Variants in DAAM2 observed in about 807,000 individuals in gnomAD.
The protein encoded by DAAM2 is dishevelled associated activator of morphogenesis 2.
In DAAM2, 39 loss-of-function variants were observed where a neutral mutation model predicts 120.7. The ratio of observed to expected loss-of-function variants is 0.32; its 90% CI spans 0.25 to 0.42. DAAM2 has a LOEUF of 0.42. Among genes scored for constraint, DAAM2 ranks in the 10% least tolerant of loss-of-function variants. The pLI is 1.00. For synonymous variants in DAAM2, 488 were observed against 524.9 expected (o/e 0.93, Z 0.96); for missense variants, 1,283 against 1,401.7 (o/e 0.92, Z 1.35).
At chr6:39,870,917 C>G (rs1410026687) in intron 8 of DAAM2, among the ~76,000 whole-genome samples, 1 of 152,104 alleles carries the variant, frequency 6.6e-6, no homozygotes, top group Non-Finnish European at 1.5e-5. Flanking sequence ...TGGTTCTGTC[C>G]CATTAGTTTA....
At position 39,896,948 on chromosome 6, in the gene DAAM2, C is replaced by A. The variant is rs757808730; in HGVS notation, c.2478C>A (p.Asn826Lys). The change falls in exon 20 of 25, where the codon AAC becomes AAA. Residue 826 changes from asparagine (N) to lysine (K), a missense_variant. This residue lies in a region of DAAM2 where 748 missense variants were observed against 768.6 expected (regional missense o/e 0.97). Transcript: ENST00000274867. Reference sequence around the variant, plus strand: ...ACGGGTTCCGGGTGGCCAGCCTCAACAAGATCGCTGACACCAAGTCCAGCA... The same window carrying A: ...ACGGGTTCCGGGTGGCCAGCCTCAAAAAGATCGCTGACACCAAGTCCAGCA... ...GAYGFRVASL[N>K]KIADTKSSID... The A allele has an allele frequency of 1.3e-5, 21 of 1,612,294 alleles. No homozygotes were observed. The highest frequency in any genetic ancestry group is 1.7e-5 in the Non-Finnish European group (20 of 1,179,174).
At chr6:39,890,746 C>T (rs977942782) in intron 17 of DAAM2, among the ~76,000 whole-genome samples, 2 of 152,092 alleles carry the variant, frequency 1.3e-5, no homozygotes, top group African/African-American at 2.4e-5. Flanking sequence ...GACTATACCT[C>T]AAGTTTGTTT....
In DAAM2 at chr6:39,883,754, A is replaced by T. The variant is rs868476861; in HGVS notation, c.1846-208A>T. 29 of 524,512 alleles carry T rather than the reference A, an allele frequency of 5.5e-5. No homozygotes were observed. In the Middle Eastern group the frequency reaches 1.5e-3, roughly 28 times the overall value. 32.5% of individuals were successfully genotyped at this position (524,512 alleles called of 1,614,324 possible). ...ATGTGGCTCCATGCACAAGGGAGGA[A>T]AAGGGGGTTGTCTCTGGCCTCTACC... On this transcript the variant is annotated intron_variant, in intron 14 of 24. Coordinates refer to ENST00000274867, the MANE Select transcript of DAAM2 (RefSeq NM_001201427.2).
Position 39,856,287 on chromosome 6 carries a change from C to T in DAAM2, c.-16C>T. ...TAGGGCATCTGTCTGCTGACGCCCCCTGGCCTGCAGTGACCATGGCCCCCC... is the reference window on the plus strand; with the variant it reads ...TAGGGCATCTGTCTGCTGACGCCCCTTGGCCTGCAGTGACCATGGCCCCCC... On this transcript the variant is annotated 5_prime_UTR_variant, in exon 2 of 25. Transcript: ENST00000274867. The T allele has an allele frequency of 6.7e-7, 1 of 1,488,700 alleles. No individual in the cohort carries two copies. The highest frequency in any genetic ancestry group is 1.4e-5 in the South Asian group (1 of 72,806). The allele number at this position is 1,488,700 out of a possible 1,614,324, so 92.2% of individuals were successfully genotyped here.
At chr6:39,894,630 T>G (rs549977113) in intron 19 of DAAM2, among the ~76,000 whole-genome samples, 1 of 151,812 alleles carries the variant, frequency 6.6e-6, no homozygotes, top group African/African-American at 2.4e-5. Context: ...TTTTACCTAT[T>G]TTCTTTTTGA....
Position 39,861,001 on chromosome 6 carries a change from A to G in DAAM2, c.242A>G (p.Tyr81Cys), listed in dbSNP as rs201047462. Residue 81 changes from tyrosine to cysteine, a missense_variant, in exon 3 of 25, where the codon TAC becomes TGC. By Grantham distance (194) the Tyr-to-Cys change is radical. Around this residue, in one of 3 missense-constraint regions of DAAM2, gnomAD observed 197 missense variants for 189.3 expected, o/e 1.04. Coordinates refer to ENST00000274867, the MANE Select transcript of DAAM2 (RefSeq NM_001201427.2). The part of the protein sequence containing the change: ...ALPPEKKWQI[Y>C]CSKKKEQEDP... Reference sequence around the variant, plus strand: ...CCCCCTGAGAAGAAATGGCAGATCTACTGCAGCAAGAAGAAGGTGCCCTCT... The same window carrying G: ...CCCCCTGAGAAGAAATGGCAGATCTGCTGCAGCAAGAAGAAGGTGCCCTCT... 344 of 1,611,536 alleles carry G rather than the reference A, an allele frequency of 2.1e-4. No individual in the cohort carries two copies. Among genetic ancestry groups the G allele is most frequent in the Non-Finnish European group, 2.5e-4 (295 of 1,178,994 alleles).
At position 39,901,419 on chromosome 6, in the gene DAAM2, G is replaced by A. The variant is rs1160219309; in HGVS notation, c.2929G>A (p.Ala977Thr). Reference sequence around the variant, plus strand: ...CTCAGAGGCCCGGCAGGATCTAGAGGCCATGAGGAGGAGGAAGGAGGAGGA... The same window carrying A: ...CTCAGAGGCCCGGCAGGATCTAGAGACCATGAGGAGGAGGAAGGAGGAGGA... ...AFSEARQDLE[A>T]MRRRKEEEER... is the part of the protein sequence containing the mutation. The change falls in exon 24 of 25, where the codon GCC (alanine) becomes ACC (threonine). Residue 977 changes from alanine to threonine, a missense_variant. Ala to Thr is a moderately conservative substitution (Grantham distance 58). Transcript: ENST00000274867. This position sits in a 1 kb window ranked among gnomAD's most constrained non-coding sequence, Gnocchi z 4.5. 1.2e-6 allele frequency: 2 copies of A among 1,613,490 alleles called. No homozygotes were observed. The highest frequency in any genetic ancestry group is 1.7e-6 in the Non-Finnish European group (2 of 1,179,872).
intron 1 of DAAM2, among the ~76,000 whole-genome samples, chr6:39,823,493 A>G (rs1762560127): frequency 6.6e-6 from 1 of 152,162 alleles, no homozygotes; most frequent in Admixed American, 6.5e-5. Flanking sequence ...CTGACATAGC[A>G]TCTCTGACCT....
At position 39,901,908 on chromosome 6, in the gene DAAM2, G is replaced by A. The variant is rs2149385246; in HGVS notation, c.3078G>A (p.Leu1026=). 5 of 1,608,214 alleles carry A rather than the reference G, an allele frequency of 3.1e-6. No individual in the cohort carries two copies. Among genetic ancestry groups the A allele is most frequent in the East Asian group, 2.2e-5 (1 of 44,672 alleles). Residue 1026 remains leucine (L), a synonymous_variant, in exon 25 of 25, where the codon CTG becomes CTA. Transcript: ENST00000274867. The surrounding 1 kb of genome is among the most constrained non-coding windows in gnomAD (Gnocchi z 4.5). ...SLEEGGEFDD[L]VSALRSGEVF... ...AGGAGGGAGGAGAGTTCGATGACCT[G>A]GTGTCGGCCCTGCGCTCTGGGGAGG...
chr6:39,828,561 C>T (rs1762760678), intron 1 of DAAM2, among the ~76,000 whole-genome samples: 2 of 124,240 alleles, frequency 1.6e-5, no homozygotes, highest in Admixed American at 7.9e-5. Flanking sequence ...TCCCTCCACC[C>T]CCCTCCGTCT....
At chr6:39,880,861 C>T (rs1765085519) in intron 14 of DAAM2, among the ~76,000 whole-genome samples, 1 of 152,204 alleles carries the variant, frequency 6.6e-6, no homozygotes, top group South Asian at 2.1e-4. Context: ...GTGCACTGCA[C>T]AGTTGTGCCC....
Position 39,901,510 on chromosome 6 carries a change from G to A in DAAM2, c.2982+38G>A, listed in dbSNP as rs767642944. 21 of 1,581,730 alleles carry A rather than the reference G, an allele frequency of 1.3e-5. 1 individual carries two copies. The highest frequency in any genetic ancestry group is 9.1e-5 in the South Asian group (8 of 88,016). ...GCCAGGCCTGGGACTGAGGGGAGAC[G>A]GGTGCTACTTGGGGAGAACACCCCC... On this transcript the variant is annotated intron_variant, in intron 24 of 24. Coordinates refer to ENST00000274867, the MANE Select transcript of DAAM2 (RefSeq NM_001201427.2). This position sits in a 1 kb window ranked among gnomAD's most constrained non-coding sequence, Gnocchi z 4.5.
chr6:39,818,502 A>G (rs1336202378), intron 1 of DAAM2, among the ~76,000 whole-genome samples: 2 of 152,228 alleles, frequency 1.3e-5, no homozygotes, highest in African/African-American at 2.4e-5. Flanking sequence ...CAATGCAGAA[A>G]TAGTGTTAGA....
chr6:39,886,387 G>A, intron 15 of DAAM2: 1 of 399,386 alleles, frequency 2.5e-6, no homozygotes, highest in Non-Finnish European at 4.4e-6. Flanking sequence ...TGTTGTGCAT[G>A]TTTAATTCTC....
intron 1 of DAAM2, chr6:39,821,224 C>G (rs1262514477): frequency 6.6e-6 from 1 of 152,304 alleles, no homozygotes; most frequent in Non-Finnish European, 1.5e-5. Flanking sequence ...TTGCTAGATA[C>G]CTTGCTGGGC....
chr6:39,904,842 A>T lies in DAAM2; in HGVS notation c.*2805A>T, dbSNP rs1446151546. The stretch of plus-strand genomic sequence containing the variant: ...ATAAGAATATATTGTAATACTAAAA[A>T]ATATTAAATTCATACCATCCCTACC... On this transcript the variant is annotated 3_prime_UTR_variant, in exon 25 of 25. Transcript: ENST00000274867. 2.2e-6 allele frequency: 1 copy of T among 453,972 alleles called. No individual in the cohort carries two copies. The highest frequency in any genetic ancestry group is 4.4e-6 in the Non-Finnish European group (1 of 226,812). The allele number at this position is 453,972 out of a possible 1,614,324, so 28.1% of individuals were successfully genotyped here. A position where few individuals can be genotyped will look rare whatever the true frequency, so the allele number is the denominator to read the frequency against.
At chr6:39,843,894 G>A (rs961982351) in intron 1 of DAAM2, among the ~76,000 whole-genome samples, 2 of 152,164 alleles carry the variant, frequency 1.3e-5, no homozygotes, top group Admixed American at 6.5e-5. Flanking sequence ...GATGCGTGTG[G>A]TGTACAGTGA....
Position 39,878,425 on chromosome 6 carries a change from G to A in DAAM2, c.1382G>A (p.Arg461His), listed in dbSNP as rs752703893. 26 of 1,612,056 alleles carry A rather than the reference G, an allele frequency of 1.6e-5. No individual in the cohort carries two copies. Among genetic ancestry groups the A allele is most frequent in the Middle Eastern group, 3.3e-4 (2 of 6,058 alleles). ...CCAGAACACATGGAGCTTGTGAGCC[G>A]TCTGGAGAGGAAGGAGCGGGAATGC... Reference protein sequence around the residue: ...FRKEHMELVSRLERKERECET... With the variant: ...FRKEHMELVSHLERKERECET... Residue 461 changes from arginine to histidine, a missense_variant, in exon 13 of 25, where the codon CGT (arginine) becomes CAT (histidine). Transcript: ENST00000274867. This position sits in a 1 kb window ranked among gnomAD's most constrained non-coding sequence, Gnocchi z 5.0.
At chr6:39,873,878 G>A (rs139809172) in intron 10 of DAAM2, among the ~76,000 whole-genome samples, 2 of 152,172 alleles carry the variant, frequency 1.3e-5, no homozygotes, top group Non-Finnish European at 2.9e-5. Flanking sequence ...TAAGATCCAG[G>A]TGTGCACAGT....
Sources: allele counts gnomAD v4.1 joint callset (sites outside exome capture counted in the v4.1 genomes callset), GRCh38; gene constraint gnomAD v4.1.1; regional missense constraint gnomAD v4.1.1; non-coding constraint Gnocchi (gnomAD v3.1); transcripts MANE v1.5; gene names NCBI Gene and HGNC (gene_info 2026-07-23, HGNC 2026-07-21).